JMY: variants seen among roughly 807,000 people sequenced by gnomAD.
The protein encoded by JMY is junction mediating and regulatory protein, p53 cofactor.
Under a neutral mutation model 103.3 loss-of-function variants are expected in JMY, and 46 were observed. The observed-to-expected ratio is 0.45, with a 90% CI of 0.35 to 0.57. JMY has a LOEUF of 0.57. Ranked by LOEUF, JMY falls within the 20% of genes least tolerant of loss-of-function variation. JMY has a pLI of 0.00. For missense variants in JMY, 1,238 were observed against 1,255.2 expected (o/e 0.99, Z 0.21); for synonymous variants, 526 against 489.3 (o/e 1.07, Z -0.99).
intron 10 of JMY, among the ~76,000 whole-genome samples, chr5:79,319,473 C>G (rs1747366125): frequency 6.6e-6 from 1 of 152,094 alleles, no homozygotes. Flanking sequence ...ACTTTGTGAT[C>G]ATGGAGACTA....
chr5:79,260,271 G>C (rs1745382614), intron 1 of JMY, among the ~76,000 whole-genome samples: 1 of 152,170 alleles, frequency 6.6e-6, no homozygotes, highest in Admixed American at 6.5e-5. Context: ...GCCTGGCCCT[G>C]TGATGGTGGG....
At chr5:79,301,463 A>G (rs576044812) in intron 6 of JMY, among the ~76,000 whole-genome samples, 1 of 152,216 alleles carries the variant, frequency 6.6e-6, no homozygotes, top group Non-Finnish European at 1.5e-5. Flanking sequence ...AAAGTATGTC[A>G]TGTTCTCTGA....
intron 1 of JMY, among the ~76,000 whole-genome samples, chr5:79,277,327 A>G (rs1474314487): frequency 1.3e-5 from 2 of 151,848 alleles, no homozygotes; most frequent in African/African-American, 4.8e-5. Context: ...ATTCTACTAG[A>G]TAGCAGAAAA....
chr5:79,291,383 G>A (rs1746421235), intron 4 of JMY, 84 bp downstream of exon 4: 5 of 1,172,596 alleles, frequency 4.3e-6, no homozygotes, highest in Non-Finnish European at 4.7e-6. Flanking sequence ...TTTTTGATTC[G>A]ATAGGCAGTG....
At chr5:79,307,749 T>C (rs1746931177) in intron 7 of JMY, among the ~76,000 whole-genome samples, 1 of 152,164 alleles carries the variant, frequency 6.6e-6, no homozygotes, top group South Asian at 2.1e-4. Context: ...GATCTTTTGC[T>C]CTTTTGTTTT....
intron 1 of JMY, 111 bp from the exon 2 acceptor site, chr5:79,277,799 C>T (rs1180440768): frequency 2.4e-6 from 2 of 836,080 alleles, no homozygotes; most frequent in East Asian, 5.3e-5. Context: ...TTCCCTCTTG[C>T]TTCTGTGTTT....
At position 79,238,858 on chromosome 5, in the gene JMY, T is replaced by G. The variant is rs559159784; in HGVS notation, c.1032+1176T>G. The stretch of plus-strand genomic sequence containing the variant: ...TTTTGTGTTTTTAGTAGAGACGGGG[T>G]TTCACCATCTTGGCCAGTATGGTCT... On this transcript the variant is annotated intron_variant, in intron 1 of 10. Coordinates refer to ENST00000396137, the MANE Select transcript of JMY (RefSeq NM_152405.5). Among the ~76,000 whole-genome samples, 906 of 152,150 alleles carry G rather than the reference T, an allele frequency of 6.0e-3. 10 individuals are homozygous for G. Among genetic ancestry groups the G allele is most frequent in the African/African-American group, 0.021 (862 of 41,512 alleles).
chr5:79,305,779 A>G (rs60394171), intron 6 of JMY, among the ~76,000 whole-genome samples: 3,170 of 152,272 alleles, frequency 0.021, 131 homozygotes, highest in African/African-American at 0.072. Context: ...TTCAGATCTC[A>G]TATTGTTTAA....
chr5:79,299,985 C>CATATAT (rs10640258), intron 4 of JMY, among the ~76,000 whole-genome samples, 168 bp from the exon 5 acceptor site: 131 of 149,458 alleles, frequency 8.8e-4, no homozygotes, highest in African/African-American at 2.7e-3. Context: ...CTGTTTTATA[C>CATATAT]ATATATATAT....
At chr5:79,312,100 A>G (rs1747065027) in intron 7 of JMY, among the ~76,000 whole-genome samples, 1 of 152,158 alleles carries the variant, frequency 6.6e-6, no homozygotes, top group Admixed American at 6.5e-5. Context: ...TATAGGTGTG[A>G]GCCACCGTGT....
chr5:79,313,488 G>GA (rs1271607968), intron 8 of JMY, among the ~76,000 whole-genome samples: 3 of 152,194 alleles, frequency 2.0e-5, no homozygotes, highest in East Asian at 3.9e-4. Context: ...AGTAAGTACT[G>GA]AAAAAAATGT....
chr5:79,317,730 C>G (rs777504153), intron 10 of JMY, among the ~76,000 whole-genome samples: 1 of 151,938 alleles, frequency 6.6e-6, no homozygotes, highest in African/African-American at 2.4e-5. Context: ...ACAGAGTCTC[C>G]CTCTGTTGCT....
chr5:79,313,168 C>T (rs538882570), intron 8 of JMY, among the ~76,000 whole-genome samples: 1 of 152,186 alleles, frequency 6.6e-6, no homozygotes, highest in South Asian at 2.1e-4. Context: ...TGGCTCACGC[C>T]TGTAATCCCA....
intron 4 of JMY, among the ~76,000 whole-genome samples, chr5:79,292,826 G>T (rs1474293765): frequency 6.6e-6 from 1 of 151,998 alleles, no homozygotes; most frequent in Non-Finnish European, 1.5e-5. Flanking sequence ...TATTCCCTGG[G>T]GCTGTCCCAT....
chr5:79,285,011 T>G (rs999338504), intron 2 of JMY: 23 of 794,972 alleles, frequency 2.9e-5, no homozygotes, highest in Admixed American at 4.7e-5. Flanking sequence ...AAATCCAGTG[T>G]CTTTAATGAG....
At chr5:79,253,550 C>T (rs1472844035) in intron 1 of JMY, among the ~76,000 whole-genome samples, 2 of 152,134 alleles carry the variant, frequency 1.3e-5, no homozygotes, top group African/African-American at 4.8e-5. Flanking sequence ...CCGCAGCCTC[C>T]CAAAGTGCTG....
At chr5:79,321,350 G>C (rs917011514) in intron 10 of JMY, among the ~76,000 whole-genome samples, 17 of 152,238 alleles carry the variant, frequency 1.1e-4, no homozygotes, top group African/African-American at 4.1e-4. Flanking sequence ...AAATAGTTTA[G>C]ACTGAATTTA....
chr5:79,237,253 G>C lies in JMY; in HGVS notation c.603G>C (p.Glu201Asp), dbSNP rs1347328351. The C allele has an allele frequency of 1.4e-5, 21 of 1,550,968 alleles. No homozygotes were observed. The highest frequency in any genetic ancestry group is 4.7e-5 in the South Asian group (4 of 84,228). Residue 201 changes from glutamate (E) to aspartate (D), a missense_variant, in exon 1 of 11, where the codon GAG (glutamate) becomes GAC (aspartate). Physicochemically the swap from Glu to Asp is conservative, Grantham distance 45 (BLOSUM62 2). Transcript: ENST00000396137. The part of the protein sequence containing the change: ...EEIEVLEMVK[E>D]DEAPLALSDA... ...TAGAGGTGCTGGAAATGGTGAAGGA[G>C]GACGAGGCACCTCTGGCGCTCTCGG...
chr5:79,316,171 G>A lies in JMY; in HGVS notation c.2831G>A (p.Arg944Lys). Residue 944 changes from arginine (R) to lysine (K), a missense_variant, in exon 10 of 11, where the codon AGA becomes AAA. Physicochemically the swap from Arg to Lys is conservative, Grantham distance 26 (BLOSUM62 2). Coordinates refer to ENST00000396137, the MANE Select transcript of JMY (RefSeq NM_152405.5). ...KLKKVQKDVL[R>K]ESFTLLPDTD... is the part of the protein sequence containing the mutation. ...AAGAAGGTACAGAAGGATGTTTTGA[G>A]AGAATCCTTCACACTTCTACCCGAT... The A allele has an allele frequency of 1.2e-6, 2 of 1,614,076 alleles. No individual in the cohort carries two copies. The highest frequency in any genetic ancestry group is 1.7e-6 in the Non-Finnish European group (2 of 1,179,942).
Sources: gnomAD v4.1 joint callset for allele counts (sites outside exome capture counted in the v4.1 genomes callset) on GRCh38, gnomAD v4.1.1 for gene constraint, MANE v1.5 for transcripts, NCBI Gene and HGNC (gene_info 2026-07-23, HGNC 2026-07-21) for gene names.